PRSS12: variants seen among roughly 807,000 people sequenced by gnomAD.
The protein encoded by PRSS12 is serine protease 12.
A neutral mutation model predicts 104.4 loss-of-function variants in PRSS12; 85 were observed. That is an observed-to-expected ratio of 0.81 (90% CI 0.68 to 0.98). PRSS12 has a LOEUF of 0.98. Ranked by LOEUF, PRSS12 falls within the 50% of genes least tolerant of loss-of-function variation. The pLI is 0.00. For missense variants in PRSS12, 1,141 were observed against 1,139.2 expected (o/e 1.00, Z -0.02); for synonymous variants, 454 against 425.2 (o/e 1.07, Z -0.83).
intron 5 of PRSS12, among the ~76,000 whole-genome samples, chr4:118,318,112 T>C (rs17516389): frequency 0.061 from 9,316 of 152,308 alleles, 389 homozygotes; most frequent in Non-Finnish European, 0.093. Context: ...TGATTTTGAC[T>C]ATTGGGTACT....
intron 1 of PRSS12, among the ~76,000 whole-genome samples, chr4:118,344,223 A>G (rs548426129): frequency 6.6e-6 from 1 of 152,302 alleles, no homozygotes; most frequent in Admixed American, 6.5e-5. Flanking sequence ...AGTTAAATAT[A>G]ATACTATGTC....
intron 2 of PRSS12, among the ~76,000 whole-genome samples, chr4:118,337,029 T>G (rs1347687985): frequency 1.3e-5 from 2 of 152,228 alleles, no homozygotes; most frequent in African/African-American, 4.8e-5. Flanking sequence ...TAATTAATTT[T>G]AATTTACTAT....
At chr4:118,298,978 A>C in intron 8 of PRSS12, 40 bp from the exon 9 acceptor site, 5 of 1,593,572 alleles carry the variant, frequency 3.1e-6, no homozygotes, top group South Asian at 1.1e-5. Flanking sequence ...AGAATCAGTC[A>C]GTCATATATC....
chr4:118,331,993 A>AT lies in PRSS12; in HGVS notation c.821-128dup, dbSNP rs1261002699. On this transcript the variant is annotated intron_variant, in intron 3 of 12. Transcript: ENST00000296498. The stretch of plus-strand genomic sequence containing the variant: ...ATATTTATAAAGCCACACCAGTGAT[A>AT]TGGACATACGTATATATATCTAATA... The AT allele has an allele frequency of 5.9e-6, 7 of 1,189,388 alleles. No individual in the cohort carries two copies. In the African/African-American group the frequency reaches 1.1e-4, roughly 18 times the overall value. The allele number at this position is 1,189,388 out of a possible 1,614,324, so 73.7% of individuals were successfully genotyped here. A position where few individuals can be genotyped will look rare whatever the true frequency, so the allele number is the denominator to read the frequency against.
At chr4:118,285,959 A>G (rs942624250) in intron 11 of PRSS12, among the ~76,000 whole-genome samples, 1 of 152,180 alleles carries the variant, frequency 6.6e-6, no homozygotes, top group African/African-American at 2.4e-5. Flanking sequence ...CGCATTATCT[A>G]TAAAAATTGA....
At chr4:118,283,830 T>C (rs1337219516) in intron 11 of PRSS12, among the ~76,000 whole-genome samples, 1 of 152,224 alleles carries the variant, frequency 6.6e-6, no homozygotes, top group Non-Finnish European at 1.5e-5. Flanking sequence ...ATTGCATTTA[T>C]CCTCCTCCCT....
At chr4:118,307,914 G>T (rs1033225231) in intron 8 of PRSS12, among the ~76,000 whole-genome samples, 9 of 151,848 alleles carry the variant, frequency 5.9e-5, no homozygotes, top group Non-Finnish European at 1.2e-4. Flanking sequence ...AAAAAAAATT[G>T]GCACCACACA....
intron 8 of PRSS12, among the ~76,000 whole-genome samples, chr4:118,300,116 C>T (rs1743370506): frequency 6.6e-6 from 1 of 151,694 alleles, no homozygotes; most frequent in Admixed American, 6.6e-5. Flanking sequence ...GCTCGGGAGA[C>T]CCTCTCACCT....
chr4:118,346,658 G>C (rs1475027771), intron 1 of PRSS12, among the ~76,000 whole-genome samples: 2 of 150,744 alleles, frequency 1.3e-5, no homozygotes, highest in African/African-American at 2.5e-5. Flanking sequence ...TGACCAGGAG[G>C]TGAGCAAGTG....
rs148490191 is a variant in PRSS12 at position 118,327,556 on chromosome 4, C to A, written c.971+4160G>T. 1.8e-4 allele frequency among the ~76,000 whole-genome samples: 27 copies of A among 152,168 alleles called. No individual in the cohort carries two copies. The East Asian group carries it at 3.7e-3, about 21-fold the overall frequency. ...GAGCAAAAAAGTAAAAATGAAAGCA[C>A]CCTAAAAGGAAAGAAAGTATCCACA... On this transcript the variant is annotated intron_variant, in intron 4 of 12. Transcript: ENST00000296498.
intron 5 of PRSS12, among the ~76,000 whole-genome samples, chr4:118,318,089 T>C (rs1319828267): frequency 1.3e-5 from 2 of 152,224 alleles, no homozygotes; most frequent in Admixed American, 6.5e-5. Flanking sequence ...ATCTGGAATG[T>C]ATCACTGCAC....
At chr4:118,316,854 A>G (rs766188660) in intron 5 of PRSS12, among the ~76,000 whole-genome samples, 1 of 146,498 alleles carries the variant, frequency 6.8e-6, no homozygotes, top group African/African-American at 2.5e-5. Flanking sequence ...ATATATATAT[A>G]TATCTTTCCT....
chr4:118,340,236 C>T (rs901456878), intron 1 of PRSS12, among the ~76,000 whole-genome samples: 5 of 152,184 alleles, frequency 3.3e-5, no homozygotes, highest in African/African-American at 1.2e-4. Flanking sequence ...TTCTCTAACG[C>T]TCCAAGCACA....
chr4:118,352,917 T>C lies in PRSS12; in HGVS notation c.-197A>G. On this transcript the variant is annotated 5_prime_UTR_variant, in exon 1 of 13. Transcript: ENST00000296498. ...CTGCCGCGCCTCGGCTCCTGTCCCC[T>C]GGCGGCGGCCGCGGGTGGGGAAATC... The C allele has an allele frequency of 7.5e-7, 1 of 1,333,890 alleles. No individual in the cohort carries two copies. The highest frequency in any genetic ancestry group is 9.7e-7 in the Non-Finnish European group (1 of 1,034,038). The allele number at this position is 1,333,890 out of a possible 1,614,324, so 82.6% of individuals were successfully genotyped here.
chr4:118,326,820 A>C (rs989205448), intron 4 of PRSS12, among the ~76,000 whole-genome samples: 1 of 152,160 alleles, frequency 6.6e-6, no homozygotes, highest in African/African-American at 2.4e-5. Context: ...CTGTTAAACA[A>C]GTTATCTTTC....
chr4:118,283,213 AG>A, intron 11 of PRSS12, 102 bp from the exon 12 acceptor site: 1 of 1,424,652 alleles, frequency 7.0e-7, no homozygotes, highest in Non-Finnish European at 9.8e-7. Flanking sequence ...CCAAATCATC[AG>A]CCCCTTTTGT....
chr4:118,333,401 C>T (rs565190423), intron 3 of PRSS12, among the ~76,000 whole-genome samples: 10 of 152,280 alleles, frequency 6.6e-5, no homozygotes, highest in African/African-American at 2.4e-4. Context: ...TGTACACGTG[C>T]TGCCAAAGTA....
intron 11 of PRSS12, among the ~76,000 whole-genome samples, chr4:118,292,003 C>G (rs1230701088): frequency 1.3e-5 from 2 of 151,972 alleles, no homozygotes; most frequent in Admixed American, 1.3e-4. Context: ...GTGCAGCAAA[C>G]CACGATGACA....
chr4:118,333,345 G>A (rs1160100659), intron 3 of PRSS12, among the ~76,000 whole-genome samples: 3 of 152,102 alleles, frequency 2.0e-5, no homozygotes, highest in South Asian at 2.1e-4. Flanking sequence ...GTCAGTAAAC[G>A]GCATTTGGAT....
Sources: allele counts gnomAD v4.1 joint callset (sites outside exome capture counted in the v4.1 genomes callset), GRCh38; gene constraint gnomAD v4.1.1; transcripts MANE v1.5; gene names NCBI Gene and HGNC (gene_info 2026-07-23, HGNC 2026-07-21).